PATJ: variants seen among roughly 807,000 people sequenced by gnomAD.
PATJ encodes the protein inaD-like protein.
In PATJ, 190 loss-of-function variants were observed where a neutral mutation model predicts 224.9. The ratio of observed to expected loss-of-function variants is 0.84; its 90% CI spans 0.75 to 0.95. The LOEUF (loss-of-function observed/expected upper bound fraction) is 0.95. Ranked by LOEUF, PATJ falls within the 40% of genes least tolerant of loss-of-function variation. PATJ has a pLI of 0.00. For missense variants in PATJ, 2,121 were observed against 2,270.3 expected (o/e 0.93, Z 1.34); for synonymous variants, 769 against 820.3 (o/e 0.94, Z 1.07).
At chr1:62,101,259 C>CTTTTTTT (rs916854253) in intron 33 of PATJ, among the ~76,000 whole-genome samples, 25 of 122,604 alleles carry the variant, frequency 2.0e-4, no homozygotes, top group East Asian at 4.8e-4. Context: ...CTTTTCTTTT[C>CTTTTTTT]TTTTTTTTTT....
chr1:61,946,297 C>G (rs1678693042), intron 27 of PATJ, among the ~76,000 whole-genome samples: 1 of 151,784 alleles, frequency 6.6e-6, no homozygotes. Context: ...TTGAAAAGAT[C>G]AACAAAATTG....
chr1:61,910,611 A>G (rs1036245911), intron 25 of PATJ, among the ~76,000 whole-genome samples: 1 of 136,052 alleles, frequency 7.4e-6, no homozygotes, highest in Non-Finnish European at 1.5e-5. Context: ...CAGTGGCACA[A>G]TCATGACTCA....
chr1:61,830,667 T>C lies in PATJ; in HGVS notation c.1981-2987T>C, dbSNP rs2148775225. Among the ~76,000 whole-genome samples, 2 of 152,204 alleles carry C rather than the reference T, an allele frequency of 1.3e-5. 1 individual carries two copies. Among genetic ancestry groups the C allele is most frequent in the Middle Eastern group, 6.8e-3 (2 of 294 alleles). On this transcript the variant is annotated intron_variant, in intron 16 of 43. Coordinates refer to ENST00000642238, the MANE Select transcript of PATJ (RefSeq NM_001350145.3). ...TATAGTAATCAAAACAGCATAGTAT[T>C]GGTACAAAAATAGACACATAGACCA...
At chr1:61,956,603 A>G (rs1031718968) in intron 27 of PATJ, among the ~76,000 whole-genome samples, 4 of 152,360 alleles carry the variant, frequency 2.6e-5, no homozygotes, top group Non-Finnish European at 1.5e-5. Flanking sequence ...TCGCTTGAGT[A>G]TATCTCATGC....
At chr1:62,016,817 A>G (rs7547886) in intron 28 of PATJ, among the ~76,000 whole-genome samples, 26,980 of 152,116 alleles carry the variant, frequency 0.18, 3,003 homozygotes, top group Non-Finnish European at 0.25. Context: ...TAGAGTAACA[A>G]ATTTATGTTA....
chr1:62,049,883 C>T (rs1055246904), intron 30 of PATJ, among the ~76,000 whole-genome samples: 1 of 152,092 alleles, frequency 6.6e-6, no homozygotes, highest in African/African-American at 2.4e-5. Flanking sequence ...CTTTGGAAGG[C>T]TGAGGCAGGC....
intron 29 of PATJ, among the ~76,000 whole-genome samples, chr1:62,037,424 T>C (rs1211617207): frequency 6.6e-6 from 1 of 152,108 alleles, no homozygotes; most frequent in Admixed American, 6.6e-5. Flanking sequence ...AGAATTCACC[T>C]ACCCACAAAG....
intron 19 of PATJ, among the ~76,000 whole-genome samples, chr1:61,863,106 A>G (rs12025222): frequency 0.26 from 37,382 of 145,472 alleles, 5,050 homozygotes; most frequent in African/African-American, 0.34. Flanking sequence ...TGTGATCATA[A>G]CTCACTTCAG....
intron 43 of PATJ, among the ~76,000 whole-genome samples, chr1:62,158,248 G>A (rs77899111): frequency 0.018 from 2,750 of 149,344 alleles, 217 homozygotes; most frequent in Non-Finnish European, 0.024. Context: ...CTACAAATGC[G>A]GCATTGGTAA....
chr1:62,007,982 T>C (rs1201468945), intron 28 of PATJ, among the ~76,000 whole-genome samples: 1 of 152,226 alleles, frequency 6.6e-6, no homozygotes, highest in East Asian at 1.9e-4. Context: ...TCTATTGTAA[T>C]GGTGTGAATC....
At chr1:61,979,041 C>T (rs1278024497) in intron 27 of PATJ, among the ~76,000 whole-genome samples, 1 of 152,042 alleles carries the variant, frequency 6.6e-6, no homozygotes, top group Non-Finnish European at 1.5e-5. Flanking sequence ...ACTTGGGATT[C>T]CTTTCTTCAG....
At chr1:61,774,808 G>A (rs182306019) in intron 6 of PATJ, among the ~76,000 whole-genome samples, 3 of 152,112 alleles carry the variant, frequency 2.0e-5, no homozygotes, top group Non-Finnish European at 4.4e-5. Context: ...TCCCCTCCCT[G>A]TAAAAAATCT....
chr1:61,884,148 C>T (rs72676219), intron 21 of PATJ, 89 bp from the exon 22 acceptor site: 23,381 of 883,860 alleles, frequency 0.026, 396 homozygotes, highest in Non-Finnish European at 0.031. Context: ...AGAGTCCCCT[C>T]CCATAGTAGG....
chr1:61,790,514 TG>T (rs1237045990), intron 8 of PATJ, among the ~76,000 whole-genome samples: 7 of 83,556 alleles, frequency 8.4e-5, no homozygotes, highest in Admixed American at 1.3e-4. Flanking sequence ...TTCTTTTTTT[TG>T]TTTTTTTTTT....
rs77383116 is a variant in PATJ at position 62,116,927 on chromosome 1, C to G, written c.4804-205C>G. On this transcript the variant is annotated intron_variant, in intron 36 of 43. Coordinates refer to ENST00000642238, the MANE Select transcript of PATJ (RefSeq NM_001350145.3). ...CAAGTTTTTCATACTTGTGAGAATT[C>G]TAAGTATCCATCACTGTTCTTTAAA... Among the ~76,000 whole-genome samples, 923 of 152,306 alleles carry G rather than the reference C, an allele frequency of 6.1e-3. 12 individuals are homozygous for G. Among genetic ancestry groups the G allele is most frequent in the African/African-American group, 0.021 (876 of 41,564 alleles).
At chr1:61,794,399 C>T (rs1650597900) in intron 9 of PATJ, among the ~76,000 whole-genome samples, 1 of 152,150 alleles carries the variant, frequency 6.6e-6, no homozygotes, top group Non-Finnish European at 1.5e-5. Context: ...CCCCCCTCAG[C>T]CTCCCAAAGC....
At chr1:62,012,951 G>A (rs1646539468) in intron 28 of PATJ, among the ~76,000 whole-genome samples, 1 of 152,224 alleles carries the variant, frequency 6.6e-6, no homozygotes, top group African/African-American at 2.4e-5. Flanking sequence ...TCTGTTCCCA[G>A]TTTTCCACTG....
intron 21 of PATJ, among the ~76,000 whole-genome samples, chr1:61,879,798 C>T (rs1421291726): frequency 1.3e-5 from 2 of 151,674 alleles, no homozygotes; most frequent in Non-Finnish European, 2.9e-5. Flanking sequence ...GGGACTGATT[C>T]CCTATCACCA....
At chr1:61,901,631 G>A (rs796138851) in intron 24 of PATJ, among the ~76,000 whole-genome samples, 172 bp downstream of exon 24, 17 of 152,276 alleles carry the variant, frequency 1.1e-4, no homozygotes, top group African/African-American at 4.1e-4. Flanking sequence ...AGTTTCTCAA[G>A]TGAGTGTGGG....
Sources: gnomAD v4.1 joint callset for allele counts (sites outside exome capture counted in the v4.1 genomes callset) on GRCh38, gnomAD v4.1.1 for gene constraint, MANE v1.5 for transcripts, NCBI Gene and HGNC (gene_info 2026-07-23, HGNC 2026-07-21) for gene names.